Variants in THSD4 observed in about 807,000 individuals in gnomAD.
THSD4 encodes the protein thrombospondin type 1 domain containing 4, also known as thrombospondin type-1 domain-containing protein 4.
A neutral mutation model predicts 119.0 loss-of-function variants in THSD4; 69 were observed. The observed-to-expected ratio is 0.58, with a 90% CI of 0.48 to 0.71. THSD4 has a LOEUF of 0.71. Among genes scored for constraint, THSD4 ranks in the 30% least tolerant of loss-of-function variants. The pLI, the probability that THSD4 is intolerant of heterozygous loss-of-function variation, is 0.00. For missense variants in THSD4, 1,393 were observed against 1,391.1 expected (o/e 1.00, Z -0.02); for synonymous variants, 524 against 540.4 (o/e 0.97, Z 0.42).
Position 71,561,271 on chromosome 15 carries a change from G to T in THSD4, c.1153-99259G>T, listed in dbSNP as rs2049112584. On this transcript the variant is annotated intron_variant, in intron 7 of 17. Transcript: ENST00000261862. ...TTACAGGCGTGAGCCACCGCACTCG[G>T]CTCTCTTTATCTTTAAAATGGGAGG... 2.0e-5 allele frequency among the ~76,000 whole-genome samples: 3 copies of T among 152,216 alleles called. No homozygotes were observed. The East Asian group carries it at 5.8e-4, about 29-fold the overall frequency.
At chr15:71,516,773 T>C (rs940058130) in intron 7 of THSD4, among the ~76,000 whole-genome samples, 2 of 152,242 alleles carry the variant, frequency 1.3e-5, no homozygotes, top group Non-Finnish European at 2.9e-5. Context: ...TATAGTTTTC[T>C]AATGTATGCT....
chr15:71,672,376 G>A (rs968909463), intron 8 of THSD4, among the ~76,000 whole-genome samples: 1 of 152,202 alleles, frequency 6.6e-6, no homozygotes, highest in African/African-American at 2.4e-5. Context: ...TCAGCTTAAG[G>A]AGATTTGGGG....
At position 71,277,823 on chromosome 15, in the gene THSD4, A is replaced by G. The variant is rs144812351; in HGVS notation, c.1015+21108A>G. The stretch of plus-strand genomic sequence containing the variant: ...GATCTTTGGATGGTCCACTGAAGGT[A>G]GATACCTCCCAGCCCTTTCTGTGCT... On this transcript the variant is annotated intron_variant, in intron 6 of 17. Coordinates refer to ENST00000261862, the MANE Select transcript of THSD4 (RefSeq NM_024817.3). 2.9e-3 allele frequency among the ~76,000 whole-genome samples: 438 copies of G among 152,256 alleles called. 2 individuals are homozygous for G. The highest frequency in any genetic ancestry group is 1.0e-2 in the African/African-American group (415 of 41,548).
chr15:71,260,723 A>G (rs1596300733), intron 6 of THSD4, among the ~76,000 whole-genome samples: 1 of 152,030 alleles, frequency 6.6e-6, no homozygotes, highest in Admixed American at 6.6e-5. Flanking sequence ...AAGGCTTACC[A>G]TGGGTTTGAG....
At chr15:71,587,768 T>C (rs1166614207) in intron 7 of THSD4, among the ~76,000 whole-genome samples, 1 of 32,062 alleles carries the variant, frequency 3.1e-5, no homozygotes, top group South Asian at 7.2e-4. Flanking sequence ...AAACTTAGAG[T>C]ATAATAAAAA....
intron 6 of THSD4, among the ~76,000 whole-genome samples, chr15:71,359,547 C>T (rs2045865315): frequency 6.6e-6 from 1 of 152,158 alleles, no homozygotes; most frequent in Non-Finnish European, 1.5e-5. Flanking sequence ...GTGGCTCACG[C>T]CCGTAATCCC....
At chr15:71,631,753 G>A (rs1478621282) in intron 7 of THSD4, among the ~76,000 whole-genome samples, 1 of 152,208 alleles carries the variant, frequency 6.6e-6, no homozygotes, top group African/African-American at 2.4e-5. Context: ...GTTGGCTGGG[G>A]TCTTGTGATG....
chr15:71,569,778 G>C (rs569168847), intron 7 of THSD4, among the ~76,000 whole-genome samples: 1 of 152,308 alleles, frequency 6.6e-6, no homozygotes, highest in Middle Eastern at 3.4e-3. Flanking sequence ...CAGATCACTT[G>C]AGGTCAGGAG....
chr15:71,141,454 G>T lies in THSD4; in HGVS notation c.-74G>T. ...AACATTGTTCATTTCCATAGGACTT[G>T]AACGCAACTCCCAATTGCAGAAAAT... On this transcript the variant is annotated 5_prime_UTR_variant, in exon 2 of 18. An upstream open reading frame in the 5' UTR loses its in-frame stop. Coordinates refer to ENST00000261862, the MANE Select transcript of THSD4 (RefSeq NM_024817.3). 6.8e-7 allele frequency: 1 copy of T among 1,476,196 alleles called. No individual in the cohort carries two copies. Among genetic ancestry groups the T allele is most frequent in the South Asian group, 1.3e-5 (1 of 78,482 alleles). The allele number at this position is 1,476,196 out of a possible 1,614,324, so 91.4% of individuals were successfully genotyped here. A position where few individuals can be genotyped will look rare whatever the true frequency, so the allele number is the denominator to read the frequency against.
upstream of THSD4, among the ~76,000 whole-genome samples, chr15:71,114,286 T>C (rs1381029002): frequency 1.3e-5 from 2 of 152,070 alleles, no homozygotes; most frequent in African/African-American, 2.4e-5. Context: ...CGAAGCGCTC[T>C]GCACCCAGCC....
intron 7 of THSD4, among the ~76,000 whole-genome samples, chr15:71,563,245 C>A (rs535203156): frequency 6.6e-6 from 1 of 152,010 alleles, no homozygotes; most frequent in East Asian, 1.9e-4. Context: ...TGATGAGGAC[C>A]CCCATCAGAG....
chr15:71,359,956 G>A (rs1175335419), intron 6 of THSD4, among the ~76,000 whole-genome samples: 1 of 152,184 alleles, frequency 6.6e-6, no homozygotes, highest in Non-Finnish European at 1.5e-5. Flanking sequence ...GCTGTCTATT[G>A]CTGTATAACA....
At chr15:71,394,991 G>A (rs1246943974) in intron 6 of THSD4, among the ~76,000 whole-genome samples, 5 of 152,176 alleles carry the variant, frequency 3.3e-5, no homozygotes, top group African/African-American at 1.2e-4. Flanking sequence ...AGGCAGATTG[G>A]AGAACCAAGG....
At chr15:71,627,338 G>C (rs1301855055) in intron 7 of THSD4, among the ~76,000 whole-genome samples, 2 of 152,214 alleles carry the variant, frequency 1.3e-5, no homozygotes, top group Admixed American at 1.3e-4. Flanking sequence ...AGGGCCAGTA[G>C]GGCTGAATCA....
chr15:71,752,165 AG>A (rs2053459557), intron 14 of THSD4, among the ~76,000 whole-genome samples: 1 of 152,198 alleles, frequency 6.6e-6, no homozygotes, highest in African/African-American at 2.4e-5. Context: ...ATACGTACAG[AG>A]AAAAAACAAC....
At chr15:71,490,183 T>C (rs971276675) in intron 7 of THSD4, among the ~76,000 whole-genome samples, 1 of 152,136 alleles carries the variant, frequency 6.6e-6, no homozygotes, top group Non-Finnish European at 1.5e-5. Flanking sequence ...CCCAGCACTT[T>C]GGAGGCCGAG....
intron 7 of THSD4, among the ~76,000 whole-genome samples, chr15:71,500,001 A>G (rs186434418): frequency 6.6e-6 from 1 of 152,262 alleles, no homozygotes; most frequent in East Asian, 1.9e-4. Context: ...AGATACCCAG[A>G]AGTGGAATTG....
rs534198382 is a variant in THSD4, at chr15:71,767,615, T to C, written c.2769+2416T>C. 1.1e-4 allele frequency: 17 copies of C among 152,348 alleles called. 1 individual carries two copies. The South Asian group carries it at 3.3e-3, about 30-fold the overall frequency. The allele number at this position is 152,348 out of a possible 1,614,324, so 9.4% of individuals were successfully genotyped here. A position where few individuals can be genotyped will look rare whatever the true frequency, so the allele number is the denominator to read the frequency against. ...ATACAGATACAAGATAGATATTGTATGGCTTAAGTCCGCAATAAAAAGCCT... is the reference window on the plus strand; with the variant it reads ...ATACAGATACAAGATAGATATTGTACGGCTTAAGTCCGCAATAAAAAGCCT... On this transcript the variant is annotated intron_variant, in intron 16 of 17. Transcript: ENST00000261862.
At chr15:71,527,843 G>A (rs1173512275) in intron 7 of THSD4, among the ~76,000 whole-genome samples, 1 of 150,684 alleles carries the variant, frequency 6.6e-6, no homozygotes, top group East Asian at 2.0e-4. Flanking sequence ...CTCCTGAGTA[G>A]GTAGGACTAA....
Sources: allele counts gnomAD v4.1 joint callset (sites outside exome capture counted in the v4.1 genomes callset), GRCh38; gene constraint gnomAD v4.1.1; transcripts MANE v1.5; gene names NCBI Gene and HGNC (gene_info 2026-07-23, HGNC 2026-07-21).